The following ZFYVE21 variants were observed in gnomAD, a reference collection of about 807,000 sequenced individuals.
The protein encoded by ZFYVE21 is zinc finger FYVE-type containing 21, also known as zinc finger FYVE domain-containing protein 21.
A neutral mutation model predicts 29.5 loss-of-function variants in ZFYVE21; 21 were observed. That is an observed-to-expected ratio of 0.71 (90% CI 0.50 to 1.02). The LOEUF (loss-of-function observed/expected upper bound fraction) is 1.02, where lower values mean the gene tolerates loss of function less well. ZFYVE21 is among the 50% of genes least tolerant of loss of function. ZFYVE21 has a pLI of 0.00. For missense variants in ZFYVE21, 326 were observed against 335.4 expected (o/e 0.97, Z 0.22); for synonymous variants, 151 against 133.8 (o/e 1.13, Z -0.89).
intron 2 of ZFYVE21, chr14:103,727,385 G>GCCCCCCCCC: frequency 1.1e-5 from 1 of 90,916 alleles, no homozygotes; most frequent in Non-Finnish European, 2.3e-5. Flanking sequence ...TGCCCCCTCC[G>GCCCCCCCCC]CCCCGTCCCC....
chr14:103,718,173 G>T (rs1288840328), intron 1 of ZFYVE21, among the ~76,000 whole-genome samples: 2 of 152,222 alleles, frequency 1.3e-5, no homozygotes, highest in African/African-American at 4.8e-5. Context: ...GAACTTGGCA[G>T]GTGGGTAACA....
At chr14:103,717,209 C>T (rs2083832228) in intron 1 of ZFYVE21, among the ~76,000 whole-genome samples, 1 of 152,214 alleles carries the variant, frequency 6.6e-6, no homozygotes, top group Admixed American at 6.5e-5. Flanking sequence ...GAGACCAGTG[C>T]TGCCCACCTC....
intron 1 of ZFYVE21, among the ~76,000 whole-genome samples, chr14:103,721,955 C>T (rs1279436815): frequency 1.3e-5 from 2 of 152,230 alleles, no homozygotes; most frequent in African/African-American, 4.8e-5. Flanking sequence ...ACGGTGAAAA[C>T]GGATGAATCA....
At chr14:103,727,173 T>G (rs969739958) in intron 2 of ZFYVE21, 7 of 351,040 alleles carry the variant, frequency 2.0e-5, no homozygotes, top group Non-Finnish European at 3.8e-5. Flanking sequence ...CTCGAACTCC[T>G]GACCTCAAAT....
At chr14:103,730,996 C>T (rs1369805695) in intron 5 of ZFYVE21, 1 of 152,420 alleles carries the variant, frequency 6.6e-6, no homozygotes, top group East Asian at 1.9e-4. Flanking sequence ...GCCCTAACCA[C>T]AGAACCGGGC....
intron 1 of ZFYVE21, among the ~76,000 whole-genome samples, chr14:103,722,182 A>G (rs955988764): frequency 6.6e-6 from 1 of 152,058 alleles, no homozygotes; most frequent in Non-Finnish European, 1.5e-5. Context: ...GCTTTATTTC[A>G]TATTAAATTG....
Position 103,716,983 on chromosome 14 carries a change from TCA to T in ZFYVE21, c.138+1005_138+1006del, listed in dbSNP as rs142806929. ...CGTGTTACAGATTCGTTTAATTCCC[TCA>T]GTGATAGAACTAAGCAGACGTTGGA... On this transcript the variant is annotated intron_variant, in intron 1 of 6. Transcript: ENST00000311141. This position sits in a 1 kb window ranked among gnomAD's most constrained non-coding sequence, Gnocchi z 4.8. 0.016 allele frequency among the ~76,000 whole-genome samples: 2,470 copies of T among 152,320 alleles called. 63 individuals carry two copies. Among genetic ancestry groups the T allele is most frequent in the African/African-American group, 0.056 (2,307 of 41,556 alleles).
Position 103,716,366 on chromosome 14 carries a change from G to A in ZFYVE21, c.138+387G>A, listed in dbSNP as rs1292333570. Among the ~76,000 whole-genome samples, 1 of 152,172 alleles carries A rather than the reference G, an allele frequency of 6.6e-6. No homozygotes were observed. The highest frequency in any genetic ancestry group is 1.5e-5 in the Non-Finnish European group (1 of 68,002). ...AGAGCTGGGGCTCGCTCCCGAGAAA[G>A]TGGAAGGCGGAGCGCCTTCCTCGCA... On this transcript the variant is annotated intron_variant, in intron 1 of 6. Coordinates refer to ENST00000311141, the MANE Select transcript of ZFYVE21 (RefSeq NM_024071.4). The surrounding 1 kb of genome is among the most constrained non-coding windows in gnomAD (Gnocchi z 4.8).
At chr14:103,722,138 T>G (rs1267651606) in intron 1 of ZFYVE21, among the ~76,000 whole-genome samples, 1 of 152,216 alleles carries the variant, frequency 6.6e-6, no homozygotes, top group Non-Finnish European at 1.5e-5. Flanking sequence ...GGGTAGGTAT[T>G]TGGCAGTAGT....
In ZFYVE21 at chr14:103,729,200, C is replaced by G. The variant is rs546920096; in HGVS notation, c.526+18C>G. The G allele has an allele frequency of 3.9e-5, 63 of 1,613,468 alleles. 2 individuals are homozygous for G. In the Middle Eastern group the frequency reaches 8.3e-4, roughly 21 times the overall value. On this transcript the variant is annotated intron_variant, in intron 5 of 6. Coordinates refer to ENST00000311141, the MANE Select transcript of ZFYVE21 (RefSeq NM_024071.4). ...TCCTGGAGGTAAATGCCAGCACGTC[C>G]TTTCCTAAGCCAGGAGGGTTTGGTG... is the stretch of plus-strand genomic sequence containing the variant.
chr14:103,727,102 C>T (rs28483843), intron 2 of ZFYVE21: 256,189 of 444,604 alleles, frequency 0.58, 74,531 homozygotes, highest in Admixed American at 0.65. Flanking sequence ...CTTGCCACCA[C>T]GCCTGGCTAA....
chr14:103,726,267 C>T (rs1274819168), intron 1 of ZFYVE21: 2 of 152,706 alleles, frequency 1.3e-5, no homozygotes, highest in Non-Finnish European at 2.9e-5. Flanking sequence ...GATACCTGGG[C>T]TTTTGCCGGC....
intron 3 of ZFYVE21, 186 bp downstream of exon 3, chr14:103,728,100 G>T: frequency 4.8e-6 from 3 of 628,340 alleles, no homozygotes; most frequent in Non-Finnish European, 7.7e-6. Flanking sequence ...TTTCAGAGGC[G>T]GAATGTCGTC....
In ZFYVE21 at chr14:103,733,154, G is replaced by C. The variant is rs777799245; in HGVS notation, c.*136G>C. 9.8e-6 allele frequency: 11 copies of C among 1,118,866 alleles called. No homozygotes were observed. In the East Asian group the frequency reaches 2.7e-4, roughly 28 times the overall value. The allele number at this position is 1,118,866 out of a possible 1,614,324, so 69.3% of individuals were successfully genotyped here. A position where few individuals can be genotyped will look rare whatever the true frequency, so the allele number is the denominator to read the frequency against. ...AATGCAACTCACTCATGTATTTGGA[G>C]AAACAGGAGTGTTCACTTATCTAGT... On this transcript the variant is annotated 3_prime_UTR_variant, in exon 7 of 7. Transcript: ENST00000311141.
chr14:103,726,876 AG>A, intron 2 of ZFYVE21, 34 bp downstream of exon 2: 1 of 1,609,754 alleles, frequency 6.2e-7, no homozygotes, highest in Non-Finnish European at 8.5e-7. Context: ...GGTGGTGGGA[AG>A]AGGGGAGGGG....
chr14:103,724,214 C>T (rs2083899388), intron 1 of ZFYVE21, among the ~76,000 whole-genome samples: 1 of 152,254 alleles, frequency 6.6e-6, no homozygotes, highest in Non-Finnish European at 1.5e-5. Context: ...GGCCTGTGTT[C>T]CAGAAGGTGC....
Position 103,732,752 on chromosome 14 carries a change from C to T in ZFYVE21, c.659C>T (p.Ala220Val), listed in dbSNP as rs745404908. ...GRRQAVAWLV[A>V]MHKAAKLLYE... Reference sequence around the variant, plus strand: ...AGGCAGGCGGTGGCGTGGCTAGTGGCCATGCACAAGGTACCTGAGCCCAGG... The same window carrying T: ...AGGCAGGCGGTGGCGTGGCTAGTGGTCATGCACAAGGTACCTGAGCCCAGG... The change falls in exon 6 of 7, where the codon GCC (alanine) becomes GTC (valine). Residue 220 changes from alanine to valine, a missense_variant. Coordinates refer to ENST00000311141, the MANE Select transcript of ZFYVE21 (RefSeq NM_024071.4). The T allele has an allele frequency of 2.5e-6, 4 of 1,612,220 alleles. No homozygotes were observed. Among genetic ancestry groups the T allele is most frequent in the Admixed American group, 3.4e-5 (2 of 59,394 alleles).
At chr14:103,720,793 G>T (rs993891603) in intron 1 of ZFYVE21, among the ~76,000 whole-genome samples, 1 of 152,042 alleles carries the variant, frequency 6.6e-6, no homozygotes, top group Non-Finnish European at 1.5e-5. Flanking sequence ...GGTGTCTGCC[G>T]CACTGTGGAG....
At chr14:103,718,907 G>C (rs2083850775) in intron 1 of ZFYVE21, among the ~76,000 whole-genome samples, 1 of 152,214 alleles carries the variant, frequency 6.6e-6, no homozygotes, top group South Asian at 2.1e-4. Context: ...GATGAGGAGA[G>C]ATCTGAAGTG....
Sources: gnomAD v4.1 joint callset for allele counts (sites outside exome capture counted in the v4.1 genomes callset) on GRCh38, gnomAD v4.1.1 for gene constraint, Gnocchi (gnomAD v3.1) non-coding constraint, MANE v1.5 for transcripts, NCBI Gene and HGNC (gene_info 2026-07-23, HGNC 2026-07-21) for gene names.